The following WDR19 variants were observed in gnomAD, a reference collection of about 807,000 sequenced individuals.
WDR19 encodes the protein WD repeat domain 19.
Under a neutral mutation model 180.0 loss-of-function variants are expected in WDR19, and 121 were observed. That is an observed-to-expected ratio of 0.67 (90% CI 0.58 to 0.78). The LOEUF is 0.78. WDR19 is among the 30% of genes least tolerant of loss of function. The probability of loss-of-function intolerance (pLI) is 0.00; values close to 1 mark genes in which losing one functional copy is unlikely to be tolerated. For synonymous variants in WDR19, 497 were observed against 540.7 expected (o/e 0.92, Z 1.12); for missense variants, 1,450 against 1,640.7 (o/e 0.88, Z 2.01).
At chr4:39,250,837 A>G (rs914381944) in intron 24 of WDR19, among the ~76,000 whole-genome samples, 1 of 152,206 alleles carries the variant, frequency 6.6e-6, no homozygotes, top group African/African-American at 2.4e-5. Flanking sequence ...ACTACAAACC[A>G]CTGCTCAGTG....
At chr4:39,204,362 G>A (rs1727724164) in intron 7 of WDR19, among the ~76,000 whole-genome samples, 1 of 152,190 alleles carries the variant, frequency 6.6e-6, no homozygotes, top group South Asian at 2.1e-4. Context: ...TGGGATTACA[G>A]GCGTGAGCCA....
chr4:39,230,860 A>T (rs1460057995), intron 17 of WDR19, among the ~76,000 whole-genome samples: 2 of 152,334 alleles, frequency 1.3e-5, no homozygotes, highest in East Asian at 3.9e-4. Context: ...CAAAAAGTTT[A>T]ATTGGCATTT....
intron 5 of WDR19, 94 bp downstream of exon 5, chr4:39,194,753 A>C: frequency 1.1e-6 from 1 of 945,092 alleles, no homozygotes; most frequent in Non-Finnish European, 1.6e-6. Flanking sequence ...TGCAATGGAA[A>C]TTTTGCAGTA....
chr4:39,203,874 AAAAGTTGTTGTAATT>A (rs896260165), intron 7 of WDR19, 152 bp downstream of exon 7: 16 of 742,572 alleles, frequency 2.2e-5, no homozygotes, highest in African/African-American at 2.1e-4. Flanking sequence ...TTTAGTCCCT[AAAAGTTGTTGTAATT>A]GCTACTGACT....
In WDR19 at chr4:39,199,481, A is replaced by G. The variant is rs763605734; in HGVS notation, c.410A>G (p.Lys137Arg). 94 of 1,610,890 alleles carry G rather than the reference A, an allele frequency of 5.8e-5. No homozygotes were observed. In the East Asian group the frequency reaches 2.1e-3, roughly 36 times the overall value. ...ATAAAAATAATCTCTTTTTCAGGAA[A>G]ACATACTAAGAGAATCACTTGTGGA... ...QTSRKIPVLGKHTKRITCGCW... is the reference protein window; with the variant it reads ...QTSRKIPVLGRHTKRITCGCW... The change falls in exon 6 of 37, where the codon AAA becomes AGA. Residue 137 changes from lysine to arginine, a missense_variant. By Grantham distance (26) the Lys-to-Arg change is conservative. Coordinates refer to ENST00000399820, the MANE Select transcript of WDR19 (RefSeq NM_025132.4).
intron 24 of WDR19, among the ~76,000 whole-genome samples, chr4:39,248,494 A>G (rs1241292668): frequency 6.6e-6 from 1 of 152,242 alleles, no homozygotes; most frequent in Non-Finnish European, 1.5e-5. Context: ...TCAAATTCAC[A>G]CATAACAATA....
intron 20 of WDR19, among the ~76,000 whole-genome samples, chr4:39,239,450 A>T (rs1461634779): frequency 6.6e-6 from 1 of 152,138 alleles, no homozygotes; most frequent in East Asian, 1.9e-4. Flanking sequence ...TTTAAAAAAA[A>T]AAAATGTGTT....
intron 36 of WDR19, among the ~76,000 whole-genome samples, chr4:39,285,042 G>A (rs1000133208): frequency 8.1e-6 from 1 of 123,724 alleles, no homozygotes; most frequent in East Asian, 2.2e-4. Context: ...CCTGGGCAAT[G>A]TAACAAGACC....
intron 14 of WDR19, among the ~76,000 whole-genome samples, chr4:39,221,987 T>A (rs1033452072): frequency 1.3e-5 from 2 of 152,230 alleles, no homozygotes; most frequent in Non-Finnish European, 2.9e-5. Flanking sequence ...ACATTCATGT[T>A]CAAGAAACTG....
intron 6 of WDR19, among the ~76,000 whole-genome samples, chr4:39,200,166 T>C (rs1727223048): frequency 6.6e-6 from 1 of 152,254 alleles, no homozygotes; most frequent in Admixed American, 6.5e-5. Context: ...TGATTTAGTA[T>C]TGCTAGAGCA....
Position 39,278,528 on chromosome 4 carries a change from C to G in WDR19, c.3918-11C>G. 1 of 1,602,026 alleles carries G rather than the reference C, an allele frequency of 6.2e-7. No individual in the cohort carries two copies. Among genetic ancestry groups the G allele is most frequent in the Non-Finnish European group, 8.5e-7 (1 of 1,171,362 alleles). On this transcript the variant is annotated splice_polypyrimidine_tract_variant and intron_variant, in intron 35 of 36. Coordinates refer to ENST00000399820, the MANE Select transcript of WDR19 (RefSeq NM_025132.4). Reference sequence around the variant, plus strand: ...TATTTAATTTACTCTGCCTTTCCCTCCCCTAAACAGCATGCTAAACACTGA... The same window carrying G: ...TATTTAATTTACTCTGCCTTTCCCTGCCCTAAACAGCATGCTAAACACTGA...
In WDR19 at chr4:39,188,399, G is replaced by A. The variant is rs148544700; in HGVS notation, c.165-1257G>A. ...TTGTTACCTTAATCAAATTACTCTC[G>A]TTATTTTCCATCAAGATATAAAATG... On this transcript the variant is annotated intron_variant, in intron 3 of 36. Transcript: ENST00000399820. Among the ~76,000 whole-genome samples the A allele has an allele frequency of 1.8e-4, 28 of 151,628 alleles. No individual in the cohort carries two copies. The East Asian group carries it at 4.6e-3, about 25-fold the overall frequency.
chr4:39,189,363 C>T (rs752374643), intron 3 of WDR19, among the ~76,000 whole-genome samples: 13 of 152,058 alleles, frequency 8.5e-5, no homozygotes, highest in Non-Finnish European at 1.3e-4. Context: ...TATCAAAAGG[C>T]AGGGTTCTTT....
intron 20 of WDR19, among the ~76,000 whole-genome samples, chr4:39,236,218 G>C (rs1731359508): frequency 6.6e-6 from 1 of 152,018 alleles, no homozygotes; most frequent in Admixed American, 6.6e-5. Context: ...TAATAGCAAA[G>C]GTAAAGAATC....
At position 39,278,555 on chromosome 4, in the gene WDR19, AG is replaced by A; in HGVS notation, c.3935del (p.Ser1312ThrfsTer10). 6.2e-7 allele frequency: 1 copy of A among 1,612,552 alleles called. No homozygotes were observed. The highest frequency in any genetic ancestry group is 1.1e-5 in the South Asian group (1 of 90,876). ...SELKIMLNTE[S>X]TCPMCSERLN... ...CCTAAACAGCATGCTAAACACTGAA[AG>A]CACATGTCCTATGTGTTCAGAAAGA... On this transcript the variant is annotated frameshift_variant, in exon 36 of 37. Coordinates refer to ENST00000399820, the MANE Select transcript of WDR19 (RefSeq NM_025132.4). LOFTEE classifies it high-confidence loss of function.
At chr4:39,220,423 A>G (rs766123051) in intron 14 of WDR19, among the ~76,000 whole-genome samples, 4 of 151,954 alleles carry the variant, frequency 2.6e-5, no homozygotes, top group African/African-American at 4.8e-5. Context: ...GGCTCAAGCA[A>G]TCGTCCTGCC....
chr4:39,245,584 G>A (rs2109410993), intron 24 of WDR19, 132 bp downstream of exon 24: 2 of 846,778 alleles, frequency 2.4e-6, no homozygotes, highest in Non-Finnish European at 3.7e-6. Context: ...ACCCCTTGTT[G>A]GCCTGAAGTG....
At chr4:39,221,590 T>A (rs1172348474) in intron 14 of WDR19, among the ~76,000 whole-genome samples, 4 of 152,192 alleles carry the variant, frequency 2.6e-5, no homozygotes, top group African/African-American at 9.7e-5. Flanking sequence ...GCAGGCTGAT[T>A]GCCTGAGCTC....
Position 39,232,172 on chromosome 4 carries a change from A to G in WDR19, c.2153A>G (p.Asp718Gly). ...TGCTTTTATTTGTAGGGAATAGAGGACTACAATCTTTTGGCAGGACACCTT... is the reference window on the plus strand; with the variant it reads ...TGCTTTTATTTGTAGGGAATAGAGGGCTACAATCTTTTGGCAGGACACCTT... ...MSLEQIKGIE[D>G]YNLLAGHLAM... The change falls in exon 19 of 37, where the codon GAC becomes GGC. Residue 718 changes from aspartate to glycine, a missense_variant. By Grantham distance (94) the Asp-to-Gly change is moderately conservative (BLOSUM62 -1). Transcript: ENST00000399820. The G allele has an allele frequency of 6.2e-7, 1 of 1,612,958 alleles. No individual in the cohort carries two copies. The highest frequency in any genetic ancestry group is 8.5e-7 in the Non-Finnish European group (1 of 1,179,462).
Sources: allele counts gnomAD v4.1 joint callset (sites outside exome capture counted in the v4.1 genomes callset), GRCh38; gene constraint gnomAD v4.1.1; transcripts MANE v1.5; gene names NCBI Gene and HGNC (gene_info 2026-07-23, HGNC 2026-07-21).